Variants in MEMO1 observed in about 807,000 individuals in gnomAD.
MEMO1 encodes the protein mediator of cell motility 1, also known as protein MEMO1.
In MEMO1, 6 loss-of-function variants were observed where a neutral mutation model predicts 45.2. That is an observed-to-expected ratio of 0.13 (90% confidence interval 0.07 to 0.26). The LOEUF is 0.26. MEMO1 is among the 10% of genes least tolerant of loss of function. MEMO1 has a pLI of 1.00. For synonymous variants in MEMO1, 78 were observed against 124.3 expected, an observed-to-expected ratio of 0.63 and a Z score of 2.48; for missense variants, 184 against 370.5, an observed-to-expected ratio of 0.50 and a Z score of 4.13.
intron 9 of MEMO1, 148 bp from the exon 10 acceptor site, chr2:31,868,640 A>T: frequency 1.5e-6 from 1 of 680,918 alleles, no homozygotes; most frequent in Non-Finnish European, 2.2e-6. Context: ...TTGTTGCATC[A>T]TATTAAAATA....
intron 2 of MEMO1, among the ~76,000 whole-genome samples, chr2:31,974,748 A>G (rs1416622652): frequency 2.0e-5 from 3 of 152,100 alleles, no homozygotes; most frequent in African/African-American, 7.2e-5. Context: ...CTGGGCAACA[A>G]GAGTGAAAAT....
intron 3 of MEMO1, among the ~76,000 whole-genome samples, chr2:31,940,471 G>T (rs1052463491): frequency 1.3e-5 from 2 of 152,118 alleles, no homozygotes; most frequent in African/African-American, 4.8e-5. Flanking sequence ...CAGTATAAAG[G>T]TAATTCCATC....
At chr2:31,985,295 C>T (rs1280184655) in intron 2 of MEMO1, among the ~76,000 whole-genome samples, 1 of 152,066 alleles carries the variant, frequency 6.6e-6, no homozygotes, top group Non-Finnish European at 1.5e-5. Context: ...AAATTATAAA[C>T]AGCAAGGATT....
intron 2 of MEMO1, among the ~76,000 whole-genome samples, chr2:31,985,043 A>G (rs1474929910): frequency 6.6e-6 from 1 of 152,218 alleles, no homozygotes; most frequent in African/African-American, 2.4e-5. Flanking sequence ...TTTCCAAACT[A>G]AAAGGTCATT....
chr2:31,957,741 T>G (rs1232660504), intron 2 of MEMO1, among the ~76,000 whole-genome samples: 3 of 152,354 alleles, frequency 2.0e-5, no homozygotes, highest in Admixed American at 6.5e-5. Context: ...AATTAACAGT[T>G]ACAACAGTTT....
chr2:31,941,174 T>C (rs2148310983), intron 3 of MEMO1, among the ~76,000 whole-genome samples: 1 of 152,202 alleles, frequency 6.6e-6, no homozygotes, highest in Non-Finnish European at 1.5e-5. Flanking sequence ...CTCCGCTGCC[T>C]ATCTCATCTA....
intron 2 of MEMO1, among the ~76,000 whole-genome samples, chr2:31,983,597 G>A (rs2148511796): frequency 6.6e-6 from 1 of 152,098 alleles, no homozygotes; most frequent in East Asian, 1.9e-4. Context: ...ACCATACCCG[G>A]CTAATTTTGT....
intron 2 of MEMO1, among the ~76,000 whole-genome samples, chr2:31,981,165 T>C (rs1241830341): frequency 1.3e-5 from 2 of 152,234 alleles, no homozygotes; most frequent in East Asian, 3.8e-4. Context: ...GAAGACTGAC[T>C]GACTGAACAG....
At chr2:31,929,388 A>T (rs571337102) in intron 4 of MEMO1, among the ~76,000 whole-genome samples, 3 of 149,604 alleles carry the variant, frequency 2.0e-5, no homozygotes, top group Non-Finnish European at 4.5e-5. Context: ...TTATTTTTTC[A>T]TGTAATTTAA....
rs1160064511 is a variant in MEMO1, at chr2:31,938,336, C to T, written c.143+4966G>A. Among the ~76,000 whole-genome samples the T allele has an allele frequency of 4.0e-5, 6 of 151,534 alleles. No individual in the cohort carries two copies. The East Asian group carries it at 1.2e-3, about 29-fold the overall frequency. ...AAGGTTTCCATGATATGATTTATGC[C>T]TATAAAGGTAAAAAAAAAAAACTAA... is the stretch of plus-strand genomic sequence containing the variant. On this transcript the variant is annotated intron_variant, in intron 3 of 9. Coordinates refer to ENST00000404530, the MANE Select transcript of MEMO1 (RefSeq NM_001301833.4).
intron 6 of MEMO1, among the ~76,000 whole-genome samples, chr2:31,902,391 C>T (rs934416385): frequency 6.6e-6 from 1 of 151,452 alleles, no homozygotes; most frequent in Admixed American, 6.6e-5. Flanking sequence ...GAGCAAGACT[C>T]TGCCTCAAAA....
chr2:31,946,041 A>G (rs1318317955), intron 2 of MEMO1, among the ~76,000 whole-genome samples: 1 of 152,174 alleles, frequency 6.6e-6, no homozygotes, highest in East Asian at 1.9e-4. Context: ...CTGGTTTAAT[A>G]CTTATTAAAA....
intron 2 of MEMO1, among the ~76,000 whole-genome samples, chr2:31,953,304 T>C (rs1572792457): frequency 6.8e-6 from 1 of 147,470 alleles, no homozygotes; most frequent in East Asian, 2.0e-4. Flanking sequence ...GAGGCAGAGG[T>C]TGCAGTGGGC....
chr2:31,992,325 G>T (rs768326236), intron 2 of MEMO1, among the ~76,000 whole-genome samples: 1 of 152,180 alleles, frequency 6.6e-6, no homozygotes, highest in East Asian at 1.9e-4. Flanking sequence ...GGGCAGAGTT[G>T]ACTAGCTGCA....
At chr2:31,996,965 C>T (rs1289334983) in intron 2 of MEMO1, among the ~76,000 whole-genome samples, 1 of 152,164 alleles carries the variant, frequency 6.6e-6, no homozygotes, top group African/African-American at 2.4e-5. Flanking sequence ...CTCGCCAAGA[C>T]AGATCTTGTA....
intron 1 of MEMO1, chr2:32,010,506 A>G (rs1416076773): frequency 6.3e-6 from 2 of 315,438 alleles, no homozygotes; most frequent in Non-Finnish European, 1.2e-5. Context: ...GATGGGGCCC[A>G]CGGCGGCCTC....
intron 7 of MEMO1, among the ~76,000 whole-genome samples, chr2:31,884,978 C>T (rs1003569376): frequency 6.6e-6 from 1 of 151,998 alleles, no homozygotes. Context: ...TTGTTCAATG[C>T]CTCTATATTG....
At chr2:31,965,293 A>G (rs1329194686) in intron 2 of MEMO1, among the ~76,000 whole-genome samples, 1 of 95,828 alleles carries the variant, frequency 1.0e-5, no homozygotes, top group Non-Finnish European at 2.3e-5. Flanking sequence ...GGAAGGGAAG[A>G]AGGGAAGGAG....
chr2:31,908,224 C>T (rs1365732874), intron 6 of MEMO1, among the ~76,000 whole-genome samples: 1 of 152,172 alleles, frequency 6.6e-6, no homozygotes, highest in Non-Finnish European at 1.5e-5. Context: ...CTCTTCCTAA[C>T]TCCAGTCCTA....
Sources: allele counts gnomAD v4.1 joint callset (sites outside exome capture counted in the v4.1 genomes callset), GRCh38; gene constraint gnomAD v4.1.1; transcripts MANE v1.5; gene names NCBI Gene and HGNC (gene_info 2026-07-23, HGNC 2026-07-21).